Variants in PCTP observed in about 807,000 individuals in gnomAD.
PCTP encodes the protein START domain-containing protein 2.
In PCTP, 27 loss-of-function variants were observed where a neutral mutation model predicts 31.0. The observed-to-expected ratio is 0.87, with a 90% CI of 0.64 to 1.20. The LOEUF is 1.20. PCTP is among the 50% of genes most tolerant of loss of function. The probability of loss-of-function intolerance (pLI) is 0.00; values close to 1 mark genes in which losing one functional copy is unlikely to be tolerated. For missense variants in PCTP, 287 were observed against 268.2 expected (o/e 1.07, Z -0.49); for synonymous variants, 108 against 101.2 (o/e 1.07, Z -0.40).
intron 2 of PCTP, among the ~76,000 whole-genome samples, chr17:55,785,994 A>G (rs1164885873): frequency 6.6e-6 from 1 of 152,156 alleles, no homozygotes; most frequent in Non-Finnish European, 1.5e-5. Flanking sequence ...TTAAAATGCC[A>G]TATGTGGGCT....
intron 2 of PCTP, among the ~76,000 whole-genome samples, 194 bp downstream of exon 2, chr17:55,767,646 G>A (rs2144946258): frequency 6.6e-6 from 1 of 151,790 alleles, no homozygotes; most frequent in East Asian, 2.0e-4. Flanking sequence ...TGTATCTTTA[G>A]TAGAGACAGG....
chr17:55,795,162 G>A (rs1205633701), intron 3 of PCTP, among the ~76,000 whole-genome samples: 1 of 151,998 alleles, frequency 6.6e-6, no homozygotes, highest in Non-Finnish European at 1.5e-5. Context: ...TTTATTAAAG[G>A]CATAAATGTG....
chr17:55,820,154 C>T (rs1208236612), intron 3 of PCTP, among the ~76,000 whole-genome samples: 2 of 152,006 alleles, frequency 1.3e-5, no homozygotes, highest in Admixed American at 6.6e-5. Flanking sequence ...AAAAAATAAA[C>T]AAAATAGATA....
At chr17:55,793,363 A>G (rs898536202) in intron 3 of PCTP, among the ~76,000 whole-genome samples, 1 of 152,026 alleles carries the variant, frequency 6.6e-6, no homozygotes, top group Non-Finnish European at 1.5e-5. Context: ...TTTAAATTTC[A>G]ACAATGCTGA....
chr17:55,834,945 G>T (rs1026142784), intron 5 of PCTP, among the ~76,000 whole-genome samples: 1 of 152,182 alleles, frequency 6.6e-6, no homozygotes, highest in African/African-American at 2.4e-5. Flanking sequence ...TATTGCAGAT[G>T]TAATGAGTTA....
At chr17:55,753,423 A>C (rs965862999) in intron 1 of PCTP, among the ~76,000 whole-genome samples, 1 of 152,238 alleles carries the variant, frequency 6.6e-6, no homozygotes. Context: ...TCAGGTGCTA[A>C]GTGTTTTGGA....
chr17:55,817,417 CAA>C (rs1912959914), intron 3 of PCTP, among the ~76,000 whole-genome samples: 1 of 152,312 alleles, frequency 6.6e-6, no homozygotes, highest in East Asian at 1.9e-4. Flanking sequence ...AGCCAGAAGT[CAA>C]GTTATTATTT....
chr17:55,814,889 G>A (rs1912868566), intron 3 of PCTP, among the ~76,000 whole-genome samples: 2 of 152,168 alleles, frequency 1.3e-5, no homozygotes, highest in South Asian at 4.1e-4. Context: ...GCGGAGTTTG[G>A]GGCTCTCTGA....
chr17:55,828,449 T>G (rs530996446), intron 5 of PCTP, among the ~76,000 whole-genome samples: 34 of 152,350 alleles, frequency 2.2e-4, no homozygotes, highest in Non-Finnish European at 3.8e-4. Context: ...TTAATATGGC[T>G]GTCTTCCCCC....
chr17:55,784,424 C>T (rs1289387049), intron 2 of PCTP, among the ~76,000 whole-genome samples: 2 of 152,092 alleles, frequency 1.3e-5, no homozygotes, highest in Non-Finnish European at 2.9e-5. Flanking sequence ...TGACATGGCA[C>T]AAGCTCAACC....
chr17:55,775,567 C>A, intron 5 of PCTP: 1 of 1,155,616 alleles, frequency 8.7e-7, no homozygotes, highest in Non-Finnish European at 1.1e-6. Flanking sequence ...TCTTCTACTG[C>A]ATAGAGGGGG....
intron 3 of PCTP, among the ~76,000 whole-genome samples, chr17:55,812,803 G>A (rs1329349563): frequency 6.6e-6 from 1 of 152,216 alleles, no homozygotes; most frequent in African/African-American, 2.4e-5. Flanking sequence ...AAGCTGGAAA[G>A]AAAATTCGGG....
intron 3 of PCTP, 122 bp downstream of exon 3, chr17:55,771,307 T>A (rs1419320254): frequency 2.1e-5 from 16 of 759,412 alleles, no homozygotes; most frequent in Non-Finnish European, 3.4e-5. Flanking sequence ...TTGTCTCTGA[T>A]TCTTGCAGCA....
intron 3 of PCTP, among the ~76,000 whole-genome samples, chr17:55,811,632 C>A (rs1435070112): frequency 1.3e-5 from 2 of 152,216 alleles, no homozygotes; most frequent in Admixed American, 6.5e-5. Flanking sequence ...AATAATAAAA[C>A]CCTTGGCTGG....
chr17:55,849,871 A>T, the PCTP span, among the ~76,000 whole-genome samples: 1 of 152,152 alleles, frequency 6.6e-6, no homozygotes, highest in East Asian at 1.9e-4. Context: ...ACAACCAAGA[A>T]GAGTTTATTC....
chr17:55,757,782 T>C (rs910835899), intron 1 of PCTP, among the ~76,000 whole-genome samples: 7 of 152,180 alleles, frequency 4.6e-5, no homozygotes, highest in African/African-American at 1.7e-4. Flanking sequence ...TCTAGCATGG[T>C]GCTGAGGCAG....
At chr17:55,806,328 T>C (rs977983275) in intron 3 of PCTP, among the ~76,000 whole-genome samples, 4 of 152,050 alleles carry the variant, frequency 2.6e-5, no homozygotes, top group Non-Finnish European at 5.9e-5. Context: ...AAGAAACTGT[T>C]GTGTGTATAT....
At position 55,801,083 on chromosome 17, in the gene PCTP, C is replaced by A. The variant is rs143352574; in HGVS notation, c.317+13429C>A. Among the ~76,000 whole-genome samples the A allele has an allele frequency of 2.3e-3, 343 of 152,208 alleles. 2 individuals are homozygous for A. Among genetic ancestry groups the A allele is most frequent in the African/African-American group, 8.1e-3 (336 of 41,544 alleles). ...GTTGACCCCTGCTGGGAGGTGTCTC[C>A]CAGTCTGGAGGCACAGGGATCAGGG... On this transcript the variant is annotated intron_variant, in intron 3 of 3. Coordinates refer to the PCTP transcript ENST00000572536.
intron 5 of PCTP, 31 bp downstream of exon 5, chr17:55,774,890 GGAT>G: frequency 3.8e-6 from 2 of 532,940 alleles, no homozygotes; most frequent in Non-Finnish European, 7.3e-6. Context: ...GCGGGGGGAG[GGAT>G]GGGGGAGTGT....
Sources: gnomAD v4.1 joint callset for allele counts (sites outside exome capture counted in the v4.1 genomes callset) on GRCh38, gnomAD v4.1.1 for gene constraint, MANE v1.5 for transcripts, NCBI Gene and HGNC (gene_info 2026-07-23, HGNC 2026-07-21) for gene names.